ZBTB5: variants seen among roughly 807,000 people sequenced by gnomAD.
ZBTB5 encodes the protein zinc finger and BTB domain containing 5.
In ZBTB5, 15 loss-of-function variants were observed where a neutral mutation model predicts 37.9. That is an observed-to-expected ratio of 0.40 (90% confidence interval 0.26 to 0.61). The LOEUF (loss-of-function observed/expected upper bound fraction) is 0.61. ZBTB5 is among the 20% of genes least tolerant of loss of function. The pLI, the probability that ZBTB5 is intolerant of heterozygous loss-of-function variation, is 0.47. For missense variants in ZBTB5, 708 were observed against 856.8 expected (o/e 0.83, Z 2.17); for synonymous variants, 315 against 312.4 (o/e 1.01, Z -0.09).
chr9:37,459,460 CAA>C (rs879646894), intron 1 of ZBTB5, among the ~76,000 whole-genome samples: 16 of 130,372 alleles, frequency 1.2e-4, no homozygotes, highest in African/African-American at 2.8e-4. Context: ...AACTCTATCT[CAA>C]AAAAAAAAAA....
chr9:37,441,315 GA>G lies in ZBTB5; in HGVS notation c.1236del (p.Asn414ThrfsTer35). Reference protein sequence around the residue: ...EHKSTFSISNFLNKSRGNNFT... With the variant: ...EHKSTFSISNXLNKSRGNNFT... Reference sequence around the variant, plus strand: ...AAGTTATTTCCTCTGCTCTTGTTAAGAAAATTCGAAATACTAAAAGTGGACT... The same window carrying G: ...AAGTTATTTCCTCTGCTCTTGTTAAGAAATTCGAAATACTAAAAGTGGACT... On this transcript the variant is annotated frameshift_variant, in exon 2 of 2. Transcript: ENST00000307750. LOFTEE classifies it high-confidence loss of function. 1 of 1,614,128 alleles carries G rather than the reference GA, an allele frequency of 6.2e-7. No homozygotes were observed. The highest frequency in any genetic ancestry group is 8.5e-7 in the Non-Finnish European group (1 of 1,180,030).
chr9:37,441,994 G>T lies in ZBTB5; in HGVS notation c.558C>A (p.Pro186=). The T allele has an allele frequency of 6.2e-7, 1 of 1,613,846 alleles. No homozygotes were observed. The highest frequency in any genetic ancestry group is 2.2e-5 in the East Asian group (1 of 44,872). ...RSNLDQRTPF[P]MRRLHKRKQS... is the part of the protein sequence containing the mutation. ...GCTTGCGCTTATGAAGGCGTCTCAT[G>T]GGGAAGGGCGTGCGCTGATCCAGGT... is the stretch of plus-strand genomic sequence containing the variant. The change falls in exon 2 of 2, where the codon CCC becomes CCA. Residue 186 remains proline (P), a synonymous_variant. Coordinates refer to ENST00000307750, the MANE Select transcript of ZBTB5 (RefSeq NM_014872.3).
rs1030519889 is a variant in ZBTB5, at chr9:37,439,079, A to G, written c.*1439T>C. ...GGTTTGGTATGTCTAAGAAAGCTAT[A>G]TAAAACATAAAATGAACTCATGTTC... On this transcript the variant is annotated 3_prime_UTR_variant, in exon 2 of 2. Coordinates refer to ENST00000307750, the MANE Select transcript of ZBTB5 (RefSeq NM_014872.3). 6.6e-6 allele frequency: 1 copy of G among 152,280 alleles called. No homozygotes were observed. The highest frequency in any genetic ancestry group is 1.5e-5 in the Non-Finnish European group (1 of 68,042). 9.4% of individuals were successfully genotyped at this position (152,280 alleles called of 1,614,324 possible).
chr9:37,452,937 G>C (rs1291932458), intron 1 of ZBTB5, among the ~76,000 whole-genome samples: 1 of 152,220 alleles, frequency 6.6e-6, no homozygotes, highest in Non-Finnish European at 1.5e-5. Context: ...CACAGAACCG[G>C]TAATAGGGAT....
At chr9:37,448,060 G>C (rs1455922624) in intron 1 of ZBTB5, among the ~76,000 whole-genome samples, 1 of 152,074 alleles carries the variant, frequency 6.6e-6, no homozygotes, top group East Asian at 1.9e-4. Flanking sequence ...AATTTTCCAA[G>C]AGCCAGGGGA....
intron 1 of ZBTB5, among the ~76,000 whole-genome samples, chr9:37,453,027 G>A (rs1321727535): frequency 7.2e-5 from 11 of 152,164 alleles, no homozygotes; most frequent in Admixed American, 6.6e-4. Context: ...GTAACCATAT[G>A]GATAAACAGA....
At position 37,441,865 on chromosome 9, in the gene ZBTB5, C is replaced by A; in HGVS notation, c.687G>T (p.Arg229=). The A allele has an allele frequency of 6.2e-7, 1 of 1,614,138 alleles. No homozygotes were observed. Among genetic ancestry groups the A allele is most frequent in the Non-Finnish European group, 8.5e-7 (1 of 1,180,032 alleles). The change falls in exon 2 of 2, where the codon CGG becomes CGT. Residue 229 remains arginine (R), a synonymous_variant. Coordinates refer to ENST00000307750, the MANE Select transcript of ZBTB5 (RefSeq NM_014872.3). Reference sequence around the variant, plus strand: ...GAGAATCTGGTGAAAAGAACTCCTCCCGAGAATGAACCCCTGAAGGCCCAT... The same window carrying A: ...GAGAATCTGGTGAAAAGAACTCCTCACGAGAATGAACCCCTGAAGGCCCAT... ...PENGPSGVHS[R]EEFFSPDSLK... is the part of the protein sequence containing the mutation.
Position 37,441,777 on chromosome 9 carries a change from T to C in ZBTB5, c.775A>G (p.Met259Val), listed in dbSNP as rs776055246. Residue 259 changes from methionine (M) to valine (V), a missense_variant, in exon 2 of 2, where the codon ATG (methionine) becomes GTG (valine). Around this residue, in one of 3 missense-constraint regions of ZBTB5, gnomAD observed 639 missense variants for 690.5 expected, o/e 0.93. Coordinates refer to ENST00000307750, the MANE Select transcript of ZBTB5 (RefSeq NM_014872.3). Reference protein sequence around the residue: ...MTDNQEDSAIMFDQSFGTQED... With the variant: ...MTDNQEDSAIVFDQSFGTQED... Reference sequence around the variant, plus strand: ...TGAGTGCCAAAAGACTGATCAAACATGATCGCACTATCTTCCTGGTTATCA... The same window carrying C: ...TGAGTGCCAAAAGACTGATCAAACACGATCGCACTATCTTCCTGGTTATCA... 6 of 1,613,878 alleles carry C rather than the reference T, an allele frequency of 3.7e-6. No individual in the cohort carries two copies. In the Admixed American group the frequency reaches 5.0e-5, roughly 13 times the overall value.
chr9:37,460,653 T>C (rs573787370), intron 1 of ZBTB5, among the ~76,000 whole-genome samples: 22 of 151,776 alleles, frequency 1.4e-4, no homozygotes, highest in Non-Finnish European at 2.9e-4. Flanking sequence ...AATGCTTGAG[T>C]CCAGGAGTCT....
intron 1 of ZBTB5, among the ~76,000 whole-genome samples, chr9:37,463,434 C>G (rs973444482): frequency 6.6e-6 from 1 of 152,112 alleles, no homozygotes; most frequent in Non-Finnish European, 1.5e-5. Flanking sequence ...AAGTTGAAAG[C>G]TAACATAGAA....
At chr9:37,451,555 C>CAAAAAAAAAAAAAAAAAA (rs67502719) in intron 1 of ZBTB5, among the ~76,000 whole-genome samples, 6 of 72,738 alleles carry the variant, frequency 8.2e-5, no homozygotes, top group African/African-American at 2.7e-4. Context: ...GAGACTATCT[C>CAAAAAAAAAAAAAAAAAA]AAAAAAAAAA....
chr9:37,456,014 A>C (rs1824181529), intron 1 of ZBTB5, among the ~76,000 whole-genome samples: 2 of 151,402 alleles, frequency 1.3e-5, no homozygotes, highest in Non-Finnish European at 2.9e-5. Context: ...CAGTGGCCTG[A>C]TCACGGTTCA....
chr9:37,464,643 A>G (rs1315863235), intron 1 of ZBTB5, among the ~76,000 whole-genome samples: 1 of 152,216 alleles, frequency 6.6e-6, no homozygotes, highest in South Asian at 2.1e-4. Context: ...CGCATCCCCC[A>G]CAGCTCCTCG....
At position 37,442,130 on chromosome 9, in the gene ZBTB5, T is replaced by C; in HGVS notation, c.422A>G (p.Gln141Arg). ...CAGCTGCTGTAGCATAAAGGAGCGC[T>C]GCATGCGGGCGCTCTGCTCCTGAAC... ...ERVQEQSARM[Q>R]RSFMLQQLGL... The change falls in exon 2 of 2, where the codon CAG becomes CGG. Residue 141 changes from glutamine to arginine, a missense_variant. Around this residue, in one of 3 missense-constraint regions of ZBTB5, gnomAD observed 639 missense variants for 690.5 expected, o/e 0.93. Transcript: ENST00000307750. 1 of 1,614,220 alleles carries C rather than the reference T, an allele frequency of 6.2e-7. No individual in the cohort carries two copies. Among genetic ancestry groups the C allele is most frequent in the Non-Finnish European group, 8.5e-7 (1 of 1,180,044 alleles).
At position 37,441,079 on chromosome 9, in the gene ZBTB5, C is replaced by T; in HGVS notation, c.1473G>A (p.Val491=). The T allele has an allele frequency of 6.2e-7, 1 of 1,614,152 alleles. No individual in the cohort carries two copies. Among genetic ancestry groups the T allele is most frequent in the South Asian group, 1.1e-5 (1 of 91,086 alleles). ...PMQEVMGLPC[V]QTSGYQGGEQ... ...CTCCTCCTTGGTAGCCTGAAGTCTGCACACACGGCAGGCCCATCACCTCCT... is the reference window on the plus strand; with the variant it reads ...CTCCTCCTTGGTAGCCTGAAGTCTGTACACACGGCAGGCCCATCACCTCCT... The change falls in exon 2 of 2, where the codon GTG becomes GTA. Residue 491 remains valine (V), a synonymous_variant. Coordinates refer to ENST00000307750, the MANE Select transcript of ZBTB5 (RefSeq NM_014872.3).
At position 37,441,603 on chromosome 9, in the gene ZBTB5, C is replaced by T; in HGVS notation, c.949G>A (p.Val317Ile). ...ATGTGCTCCTTCTCACCAAGGCCAA[C>T]CTCAGGGTTTTCACACTGAAAACTA... is the stretch of plus-strand genomic sequence containing the variant. ...KSSFQCENPE[V>I]GLGEKEHMRV... The change falls in exon 2 of 2, where the codon GTT (valine) becomes ATT (isoleucine). Residue 317 changes from valine (V) to isoleucine (I), a missense_variant. Physicochemically the swap from Val to Ile is conservative, Grantham distance 29 (BLOSUM62 3). Around this residue, in one of 3 missense-constraint regions of ZBTB5, gnomAD observed 639 missense variants for 690.5 expected, o/e 0.93. Transcript: ENST00000307750. 3 of 1,613,148 alleles carry T rather than the reference C, an allele frequency of 1.9e-6. No homozygotes were observed. In the South Asian group the frequency reaches 3.3e-5, roughly 18 times the overall value.
chr9:37,446,324 G>A (rs1023574055), intron 1 of ZBTB5, among the ~76,000 whole-genome samples: 2 of 152,164 alleles, frequency 1.3e-5, no homozygotes, highest in Non-Finnish European at 2.9e-5. Flanking sequence ...CAGCCTTACA[G>A]GCCAAAGTTG....
chr9:37,459,151 C>T (rs1824242880), intron 1 of ZBTB5, among the ~76,000 whole-genome samples: 2 of 152,082 alleles, frequency 1.3e-5, no homozygotes, highest in South Asian at 4.1e-4. Context: ...AAGAGATTTA[C>T]AAAAAATGTA....
Position 37,440,959 on chromosome 9 carries a change from G to A in ZBTB5, c.1593C>T (p.Asn531=). 6.2e-7 allele frequency: 1 copy of A among 1,614,206 alleles called. No homozygotes were observed. The highest frequency in any genetic ancestry group is 1.6e-4 in the Middle Eastern group (1 of 6,062). ...GAGCTATGCGGCGGTAGTAAGGAAA[G>A]TTACTGGCTCCTCCCCTTGGGGAAC... ...MIGSPRGGAS[N]FPYYRRIAPK... Residue 531 remains asparagine (N), a synonymous_variant, in exon 2 of 2, where the codon AAC becomes AAT. Transcript: ENST00000307750.
Sources: gnomAD v4.1 joint callset for allele counts (sites outside exome capture counted in the v4.1 genomes callset) on GRCh38, gnomAD v4.1.1 for gene constraint, gnomAD v4.1.1 regional missense constraint, MANE v1.5 for transcripts, NCBI Gene and HGNC (gene_info 2026-07-23, HGNC 2026-07-21) for gene names.